The following SLC6A5 variants were observed in gnomAD, a reference collection of about 807,000 sequenced individuals.
The protein encoded by SLC6A5 is solute carrier family 6 member 5, also known as sodium- and chloride-dependent glycine transporter 2.
Under a neutral mutation model 90.5 loss-of-function variants are expected in SLC6A5, and 58 were observed. The observed-to-expected ratio is 0.64, with a 90% CI of 0.52 to 0.80. The LOEUF (loss-of-function observed/expected upper bound fraction) is 0.80, where lower values mean the gene tolerates loss of function less well. Among genes scored for constraint, SLC6A5 ranks in the 30% least tolerant of loss-of-function variants. The pLI, the probability that SLC6A5 is intolerant of heterozygous loss-of-function variation, is 0.00. For synonymous variants in SLC6A5, 427 were observed against 401.4 expected, an observed-to-expected ratio of 1.06 and a Z score of -0.76; for missense variants, 1,015 against 1,017.6, an observed-to-expected ratio of 1.00 and a Z score of 0.03.
In SLC6A5 at chr11:20,607,459, T is replaced by A. The variant is rs757146180; in HGVS notation, c.812-20T>A. ...TAGCATTTAAGATGGAATGAACCCC[T>A]GGAATTTTTGCTTCTGCAGGCTGTG... On this transcript the variant is annotated intron_variant, in intron 4 of 15. Transcript: ENST00000525748. The A allele has an allele frequency of 1.9e-6, 3 of 1,613,924 alleles. No homozygotes were observed. Among genetic ancestry groups the A allele is most frequent in the Non-Finnish European group, 2.5e-6 (3 of 1,179,908 alleles).
chr11:20,653,242 T>C (rs890990549), intron 15 of SLC6A5, among the ~76,000 whole-genome samples: 3 of 152,218 alleles, frequency 2.0e-5, no homozygotes, highest in African/African-American at 7.2e-5. Context: ...CTACTTAGGG[T>C]TTGCTCCTGA....
rs147290648 is a variant in SLC6A5 at position 20,607,154 on chromosome 11, C to T, written c.811+16C>T. ...GCTCTACAAGGTGAGTCCAGCCTGC[C>T]GCTCAGCCTCCTCAGGCCCTTTCTT... On this transcript the variant is annotated intron_variant, in intron 4 of 15. Transcript: ENST00000525748. The T allele has an allele frequency of 0.015, 24,122 of 1,600,038 alleles. 227 individuals are homozygous for T. Among genetic ancestry groups the T allele is most frequent in the South Asian group, 0.026 (2,275 of 89,168 alleles).
At chr11:20,650,617 C>T (rs1226993893) in intron 14 of SLC6A5, among the ~76,000 whole-genome samples, 1 of 150,732 alleles carries the variant, frequency 6.6e-6, no homozygotes, top group Admixed American at 6.6e-5. Context: ...CTGCTGGTCT[C>T]CGGGGTCACG....
At chr11:20,620,737 T>C (rs930752409) in intron 7 of SLC6A5, among the ~76,000 whole-genome samples, 2 of 152,244 alleles carry the variant, frequency 1.3e-5, no homozygotes, top group Non-Finnish European at 2.9e-5. Flanking sequence ...GTGGAAGTAG[T>C]GGGATTTGAA....
rs1853006643 is a variant in SLC6A5 at position 20,626,849 on chromosome 11, T to A, written c.1395+7T>A. The A allele has an allele frequency of 1.9e-6, 3 of 1,613,406 alleles. No homozygotes were observed. In the South Asian group the frequency reaches 3.3e-5, roughly 18 times the overall value. On this transcript the variant is annotated splice_region_variant and intron_variant, in intron 8 of 15. Transcript: ENST00000525748. The stretch of plus-strand genomic sequence containing the variant: ...GAAACTCACGGATGCCACGGTGGGC[T>A]TCTAATTTTATCTATAACCAGCCCT...
In SLC6A5 at chr11:20,604,366, C is replaced by G; in HGVS notation, c.621C>G (p.Tyr207Ter). The G allele has an allele frequency of 1.9e-6, 3 of 1,614,034 alleles. No homozygotes were observed. Among genetic ancestry groups the G allele is most frequent in the Non-Finnish European group, 2.5e-6 (3 of 1,179,952 alleles). The change falls in exon 3 of 16, where the codon TAC (tyrosine) becomes TAG (stop). Residue 207 changes from tyrosine (Y) to a stop codon, truncating the protein, a stop_gained. Transcript: ENST00000525748. LOFTEE classifies it high-confidence loss of function. ...ACTTCATCCTGTCCATGGTGGGGTA[C>G]GCAGTGGGGCTGGGCAATGTCTGGA... ...KLDFILSMVGYAVGLGNVWRF... is the reference protein window; with the variant it reads ...KLDFILSMVG
chr11:20,627,936 G>GT (rs1565281231), intron 8 of SLC6A5, 44 bp from the exon 9 acceptor site: 2 of 1,487,720 alleles, frequency 1.3e-6, no homozygotes, highest in Non-Finnish European at 1.9e-6. Context: ...CCTGGCGCCA[G>GT]TCTCCTTCAT....
intron 5 of SLC6A5, among the ~76,000 whole-genome samples, chr11:20,609,399 C>G (rs1022963604): frequency 6.6e-6 from 1 of 151,876 alleles, no homozygotes; most frequent in South Asian, 2.1e-4. Flanking sequence ...CTGTTCCTGG[C>G]GCCAGGCTAT....
chr11:20,644,317 G>A lies in SLC6A5; in HGVS notation c.1970-2517G>A, dbSNP rs897547052. On this transcript the variant is annotated intron_variant, in intron 13 of 15. Transcript: ENST00000525748. ...TCAATTTTTTTTTTAGATTCCACAC[G>A]TAAGTGAGAACATACAGTGTTTGTC... 5.3e-5 allele frequency among the ~76,000 whole-genome samples: 8 copies of A among 151,598 alleles called. No individual in the cohort carries two copies. In the East Asian group the frequency reaches 5.8e-4, roughly 11 times the overall value.
chr11:20,604,539 T>C, intron 3 of SLC6A5, 115 bp downstream of exon 3: 1 of 1,302,542 alleles, frequency 7.7e-7, no homozygotes, highest in Non-Finnish European at 1.1e-6. Flanking sequence ...GACAGCCTCC[T>C]TAGGCTCCAG....
intron 3 of SLC6A5, among the ~76,000 whole-genome samples, chr11:20,606,782 T>C (rs2133774381): frequency 6.6e-6 from 1 of 152,236 alleles, no homozygotes; most frequent in African/African-American, 2.4e-5. Context: ...AGAGTTGAAA[T>C]AAGGAGTGTA....
chr11:20,652,577 G>C, intron 15 of SLC6A5, 121 bp downstream of exon 15: 1 of 999,152 alleles, frequency 1.0e-6, no homozygotes, highest in South Asian at 1.3e-5. Flanking sequence ...GTGATGAAGC[G>C]ATTACAGTTG....
intron 14 of SLC6A5, among the ~76,000 whole-genome samples, chr11:20,649,601 G>A (rs964201501): frequency 2.6e-5 from 4 of 152,210 alleles, no homozygotes; most frequent in Non-Finnish European, 5.9e-5. Context: ...TATTTGTGGT[G>A]TGCTGGAATA....
At chr11:20,603,992 C>T (rs747451034) in intron 2 of SLC6A5, among the ~76,000 whole-genome samples, 4 of 151,906 alleles carry the variant, frequency 2.6e-5, no homozygotes, top group African/African-American at 7.3e-5. Context: ...CTTGCTGGTG[C>T]GCCCTGACTG....
rs767356503 is a variant in SLC6A5, at chr11:20,654,771, G to A, written c.2297G>A (p.Arg766His). The change falls in exon 16 of 16, where the codon CGC becomes CAC. Residue 766 changes from arginine to histidine, a missense_variant. Coordinates refer to ENST00000525748, the MANE Select transcript of SLC6A5 (RefSeq NM_004211.5). The stretch of plus-strand genomic sequence containing the variant: ...TGGGGCCCATTCTTAGCTCAACACC[G>A]CGGGGAGCGTTACAAGAACATGATC... ...PDWGPFLAQH[R>H]GERYKNMIDP... The A allele has an allele frequency of 1.1e-5, 18 of 1,613,984 alleles. No homozygotes were observed. The highest frequency in any genetic ancestry group is 3.3e-4 in the Middle Eastern group (2 of 6,084).
At chr11:20,616,538 A>G (rs1241953150) in intron 6 of SLC6A5, among the ~76,000 whole-genome samples, 1 of 152,198 alleles carries the variant, frequency 6.6e-6, no homozygotes, top group Non-Finnish European at 1.5e-5. Flanking sequence ...GGAGCAGTTG[A>G]GATGGCTAAG....
At position 20,626,691 on chromosome 11, in the gene SLC6A5, G is replaced by C. The variant is rs1853001259; in HGVS notation, c.1261-17G>C. 2 of 1,613,678 alleles carry C rather than the reference G, an allele frequency of 1.2e-6. No homozygotes were observed. Among genetic ancestry groups the C allele is most frequent in the African/African-American group, 1.3e-5 (1 of 74,898 alleles). On this transcript the variant is annotated splice_polypyrimidine_tract_variant and intron_variant, in intron 7 of 15. Transcript: ENST00000525748. ...CAGGGCTGCTTCTTCCAGCCCCTCT[G>C]CCCATGGCTTTTCTAGGTGGTGTAC...
At chr11:20,623,928 A>G (rs1303977379) in intron 7 of SLC6A5, among the ~76,000 whole-genome samples, 1 of 151,794 alleles carries the variant, frequency 6.6e-6, no homozygotes, top group Non-Finnish European at 1.5e-5. Context: ...CAATCCACAT[A>G]TCACCTTCTA....
In SLC6A5 at chr11:20,655,797, T is replaced by A. The variant is rs964387590; in HGVS notation, c.*929T>A. On this transcript the variant is annotated 3_prime_UTR_variant, in exon 16 of 16. Transcript: ENST00000525748. ...CTGGGAAAACAAGACTTACCCTGGT[T>A]CTGTCTATATATTATATATATAGGA... 1 of 152,222 alleles carries A rather than the reference T, an allele frequency of 6.6e-6. No homozygotes were observed. Among genetic ancestry groups the A allele is most frequent in the African/African-American group, 2.4e-5 (1 of 41,460 alleles). The allele number at this position is 152,222 out of a possible 1,614,324, so 9.4% of individuals were successfully genotyped here.
Sources: gnomAD v4.1 joint callset for allele counts (sites outside exome capture counted in the v4.1 genomes callset) on GRCh38, gnomAD v4.1.1 for gene constraint, MANE v1.5 for transcripts, NCBI Gene and HGNC (gene_info 2026-07-23, HGNC 2026-07-21) for gene names.